Variants in SYNGR1 observed in about 807,000 individuals in gnomAD.
SYNGR1 encodes the protein synaptogyrin 1, also known as synaptogyrin-1.
SYNGR1 carries 14 observed loss-of-function variants against 26.1 expected under a neutral mutation model. That is an observed-to-expected ratio of 0.54 (90% confidence interval 0.35 to 0.84). The LOEUF (loss-of-function observed/expected upper bound fraction) is 0.84, where lower values mean the gene tolerates loss of function less well. Ranked by LOEUF, SYNGR1 falls within the 40% of genes least tolerant of loss-of-function variation. The pLI is 0.01. For missense variants in SYNGR1, 319 were observed against 332.9 expected (o/e 0.96, Z 0.33); for synonymous variants, 141 against 150.1 (o/e 0.94, Z 0.44).
At chr22:39,378,388 C>CATTT (rs1262863641) in intron 3 of SYNGR1, 7 of 982,472 alleles carry the variant, frequency 7.1e-6, no homozygotes, top group Non-Finnish European at 8.5e-6. Flanking sequence ...TTCATTCATT[C>CATTT]ATTCATTCAT....
rs1925566066 is a variant in SYNGR1 at position 39,383,524 on chromosome 22, A to G, written c.*1610A>G. 1 of 152,378 alleles carries G rather than the reference A, an allele frequency of 6.6e-6. No homozygotes were observed. The highest frequency in any genetic ancestry group is 2.4e-5 in the African/African-American group (1 of 41,448). 9.4% of individuals were successfully genotyped at this position (152,378 alleles called of 1,614,324 possible). ...AGGTATGGGAGAGCGCTGGGGGCCC[A>G]TCCCCCTGTCCACCCAGTGTCCACT... On this transcript the variant is annotated 3_prime_UTR_variant, in exon 4 of 4. Coordinates refer to ENST00000328933, the MANE Select transcript of SYNGR1 (RefSeq NM_004711.5).
intron 3 of SYNGR1, chr22:39,378,184 G>C (rs1925374824): frequency 9.0e-7 from 1 of 1,106,210 alleles, no homozygotes; most frequent in Non-Finnish European, 1.1e-6. Flanking sequence ...GGATGTCACA[G>C]GGCTCCTGGT....
chr22:39,366,514 C>T (rs1284048842), intron 1 of SYNGR1, among the ~76,000 whole-genome samples: 4 of 152,156 alleles, frequency 2.6e-5, no homozygotes, highest in South Asian at 4.1e-4. Flanking sequence ...GGTGCAGGAG[C>T]GCACGGCTAT....
Position 39,384,385 on chromosome 22 carries a change from G to A in SYNGR1, c.*2471G>A, listed in dbSNP as rs1373083329. 2 of 397,532 alleles carry A rather than the reference G, an allele frequency of 5.0e-6. No homozygotes were observed. Among genetic ancestry groups the A allele is most frequent in the East Asian group, 3.5e-5 (1 of 28,200 alleles). 24.6% of individuals were successfully genotyped at this position (397,532 alleles called of 1,614,324 possible). On this transcript the variant is annotated 3_prime_UTR_variant, in exon 4 of 4. Coordinates refer to ENST00000328933, the MANE Select transcript of SYNGR1 (RefSeq NM_004711.5). ...TGTCAAGACTCCTGCCAGGAATGGGGGGTGCTGAGTCATCTCACGAAGAAT... is the reference window on the plus strand; with the variant it reads ...TGTCAAGACTCCTGCCAGGAATGGGAGGTGCTGAGTCATCTCACGAAGAAT...
Position 39,350,024 on chromosome 22 carries a change from C to T in SYNGR1, c.14C>T (p.Ala5Val). The change falls in exon 1 of 4, where the codon GCG (alanine) becomes GTG (valine). Residue 5 changes from alanine (A) to valine (V), a missense_variant. Coordinates refer to ENST00000328933, the MANE Select transcript of SYNGR1 (RefSeq NM_004711.5). This position sits in a 1 kb window ranked among gnomAD's most constrained non-coding sequence, Gnocchi z 4.3. Reference protein sequence around the residue: MEGGAYGAGKAGGAF... With the variant: MEGGVYGAGKAGGAF... ...GGTGCAGCCACGATGGAAGGGGGTGCGTACGGAGCGGGCAAAGCCGGGGGC... is the reference window on the plus strand; with the variant it reads ...GGTGCAGCCACGATGGAAGGGGGTGTGTACGGAGCGGGCAAAGCCGGGGGC... 4.4e-6 allele frequency: 6 copies of T among 1,370,760 alleles called. No individual in the cohort carries two copies. Among genetic ancestry groups the T allele is most frequent in the South Asian group, 3.0e-5 (2 of 66,456 alleles). 84.9% of individuals were successfully genotyped at this position (1,370,760 alleles called of 1,614,324 possible). A position where few individuals can be genotyped will look rare whatever the true frequency, so the allele number is the denominator to read the frequency against.
intron 3 of SYNGR1, chr22:39,377,480 A>G: frequency 6.5e-7 from 1 of 1,536,130 alleles, no homozygotes; most frequent in Non-Finnish European, 8.7e-7. Context: ...GATGATTTCT[A>G]GCCATGGGTC....
intron 3 of SYNGR1, among the ~76,000 whole-genome samples, chr22:39,381,388 A>T (rs944231256): frequency 6.6e-6 from 1 of 152,056 alleles, no homozygotes; most frequent in Non-Finnish European, 1.5e-5. Flanking sequence ...CCATCTTAAC[A>T]CTCCATAATG....
At chr22:39,371,330 G>T (rs1925007487) in intron 1 of SYNGR1, among the ~76,000 whole-genome samples, 1 of 151,838 alleles carries the variant, frequency 6.6e-6, no homozygotes, top group Non-Finnish European at 1.5e-5. Context: ...TACAAAATTA[G>T]CCGGATGTGG....
At chr22:39,359,681 C>T (rs1924374808) in intron 1 of SYNGR1, among the ~76,000 whole-genome samples, 1 of 150,062 alleles carries the variant, frequency 6.7e-6, no homozygotes, top group Non-Finnish European at 1.5e-5. Context: ...AGCTTGGTGT[C>T]AGTCCTCTCC....
chr22:39,357,650 GGCCCCGGACCCGGGC>G (rs1361410010), intron 1 of SYNGR1, among the ~76,000 whole-genome samples: 2 of 88,580 alleles, frequency 2.3e-5, no homozygotes, highest in African/African-American at 7.7e-5. Flanking sequence ...CAGCCCTGCT[GGCCCCGGACCCGGGC>G]GTGGGCTTGG....
intron 1 of SYNGR1, among the ~76,000 whole-genome samples, chr22:39,367,337 A>AGTAGGTTGTAGCT (rs1430746222): frequency 1.3e-5 from 2 of 152,342 alleles, no homozygotes; most frequent in African/African-American, 4.8e-5. Flanking sequence ...CAGCAAACAA[A>AGTAGGTTGTAGCT]CAGCAAAGTA....
chr22:39,379,171 C>T (rs1172993319), intron 3 of SYNGR1, among the ~76,000 whole-genome samples: 2 of 152,234 alleles, frequency 1.3e-5, no homozygotes. Context: ...CCCCAGCAGC[C>T]AGGACCTCAT....
intron 1 of SYNGR1, among the ~76,000 whole-genome samples, chr22:39,357,758 G>C (rs1705246491): frequency 6.6e-6 from 1 of 152,074 alleles, no homozygotes; most frequent in African/African-American, 2.4e-5. Flanking sequence ...CGGCTGCGGA[G>C]GGTGTACTGG....
chr22:39,357,394 C>T (rs769790233), intron 1 of SYNGR1, among the ~76,000 whole-genome samples: 34 of 152,224 alleles, frequency 2.2e-4, no homozygotes, highest in Non-Finnish European at 4.0e-4. Context: ...ACAGCCCTCA[C>T]TTGCTCTCGG....
Position 39,350,213 on chromosome 22 carries a change from G to GGCGGCGGC in SYNGR1, c.99+114_99+121dup, listed in dbSNP as rs951878784. ...CCGACCCCGACCCCAACGGGCCCCCGGCGGCGGCGCGGCGGCGGGCGAGGA... is the reference window on the plus strand; with the variant it reads ...CCGACCCCGACCCCAACGGGCCCCCGGCGGCGGCGCGGCGGCGCGGCGGCGGGCGAGGA... On this transcript the variant is annotated intron_variant, in intron 1 of 3. Coordinates refer to ENST00000328933, the MANE Select transcript of SYNGR1 (RefSeq NM_004711.5). This position sits in a 1 kb window ranked among gnomAD's most constrained non-coding sequence, Gnocchi z 4.3. 1.0e-3 allele frequency: 822 copies of GGCGGCGGC among 788,498 alleles called. 12 individuals are homozygous for GGCGGCGGC. The African/African-American group carries it at 0.014, about 14-fold the overall frequency. The allele number at this position is 788,498 out of a possible 1,614,324, so 48.8% of individuals were successfully genotyped here. A position where few individuals can be genotyped will look rare whatever the true frequency, so the allele number is the denominator to read the frequency against.
intron 1 of SYNGR1, among the ~76,000 whole-genome samples, chr22:39,366,023 G>A: frequency 1.3e-5 from 1 of 75,404 alleles, no homozygotes; most frequent in East Asian, 5.3e-3. Flanking sequence ...TTTGAGACAG[G>A]GTCTCCCTCT....
chr22:39,353,724 GA>G lies in SYNGR1; in HGVS notation c.99+3622del, dbSNP rs377075611. On this transcript the variant is annotated intron_variant, in intron 1 of 3. Transcript: ENST00000328933. ...ATTTCTTTGTTCTAAAGCCAGATGGGAAAAAAAGGAGTTACAGCAAGAAGCT... is the reference window on the plus strand; with the variant it reads ...ATTTCTTTGTTCTAAAGCCAGATGGGAAAAAAGGAGTTACAGCAAGAAGCT... Among the ~76,000 whole-genome samples the G allele has an allele frequency of 5.2e-4, 79 of 152,098 alleles. 1 individual carries two copies. The East Asian group carries it at 9.3e-3, about 18-fold the overall frequency.
At chr22:39,363,962 G>A (rs1297590057) in intron 1 of SYNGR1, among the ~76,000 whole-genome samples, 2 of 152,138 alleles carry the variant, frequency 1.3e-5, no homozygotes, top group Non-Finnish European at 2.9e-5. Context: ...CGTTTAAAAC[G>A]AGGCCTCTAG....
At chr22:39,356,917 C>G (rs1924170552) in intron 1 of SYNGR1, among the ~76,000 whole-genome samples, 1 of 152,106 alleles carries the variant, frequency 6.6e-6, no homozygotes, top group African/African-American at 2.4e-5. Context: ...CACTCTTGCT[C>G]CTAGTGGACT....
Sources: allele counts gnomAD v4.1 joint callset (sites outside exome capture counted in the v4.1 genomes callset), GRCh38; gene constraint gnomAD v4.1.1; non-coding constraint Gnocchi (gnomAD v3.1); transcripts MANE v1.5; gene names NCBI Gene and HGNC (gene_info 2026-07-23, HGNC 2026-07-21).